Variants in PEX14 observed in about 807,000 individuals in gnomAD.
The protein encoded by PEX14 is peroxisomal biogenesis factor 14.
In PEX14, 15 loss-of-function variants were observed where a neutral mutation model predicts 49.5. The observed-to-expected ratio is 0.30, with a 90% confidence interval of 0.20 to 0.47. The LOEUF is 0.47. Ranked by LOEUF, PEX14 falls within the 20% of genes least tolerant of loss-of-function variation. The pLI is 1.00. For missense variants in PEX14, 398 were observed against 494.8 expected, an observed-to-expected ratio of 0.80 and a Z score of 1.86; for synonymous variants, 210 against 212.7, an observed-to-expected ratio of 0.99 and a Z score of 0.11.
At chr1:10,547,970 C>G (rs931912455) in intron 3 of PEX14, among the ~76,000 whole-genome samples, 1 of 152,098 alleles carries the variant, frequency 6.6e-6, no homozygotes, top group African/African-American at 2.4e-5. Flanking sequence ...AATCCCAGCA[C>G]TTTGGGAGGC....
At chr1:10,587,181 G>A (rs1281377450) in intron 3 of PEX14, among the ~76,000 whole-genome samples, 1 of 152,186 alleles carries the variant, frequency 6.6e-6, no homozygotes, top group Non-Finnish European at 1.5e-5. Context: ...ATGAGGCTGT[G>A]TGTGGTGGCT....
At chr1:10,560,767 G>A (rs960627601) in intron 3 of PEX14, among the ~76,000 whole-genome samples, 11 of 148,256 alleles carry the variant, frequency 7.4e-5, no homozygotes, top group Middle Eastern at 3.4e-3. Context: ...GCCCAGGTTG[G>A]AGTGCAGTGG....
chr1:10,603,168 G>A (rs762200060), intron 4 of PEX14, among the ~76,000 whole-genome samples: 38 of 152,226 alleles, frequency 2.5e-4, no homozygotes, highest in Non-Finnish European at 4.3e-4. Context: ...CAGAGAGAAC[G>A]TAGAGACCTG....
intron 2 of PEX14, among the ~76,000 whole-genome samples, chr1:10,515,728 C>T (rs1393549975): frequency 6.6e-6 from 1 of 152,102 alleles, no homozygotes. Flanking sequence ...AATCCTTCAC[C>T]CGGCTCTGGC....
At chr1:10,475,330 C>T (rs1299417883) in intron 1 of PEX14, among the ~76,000 whole-genome samples, 2 of 152,136 alleles carry the variant, frequency 1.3e-5, no homozygotes, top group African/African-American at 2.4e-5. Context: ...CCTTGAGCTG[C>T]GAGGGCTTGA....
At chr1:10,591,288 G>T (rs1030598285) in intron 3 of PEX14, among the ~76,000 whole-genome samples, 1 of 151,920 alleles carries the variant, frequency 6.6e-6, no homozygotes, top group Non-Finnish European at 1.5e-5. Flanking sequence ...TGCTGTGGTC[G>T]CAGCCACAGT....
chr1:10,506,155 C>T (rs1274915401), intron 2 of PEX14, among the ~76,000 whole-genome samples: 2 of 152,214 alleles, frequency 1.3e-5, no homozygotes, highest in East Asian at 3.8e-4. Context: ...GCCAGTCTCT[C>T]CCACACTCAT....
At chr1:10,564,885 G>A (rs1157701191) in intron 3 of PEX14, among the ~76,000 whole-genome samples, 1 of 148,552 alleles carries the variant, frequency 6.7e-6, no homozygotes, top group Admixed American at 6.9e-5. Context: ...TCCCCCACTT[G>A]GTCCTATTTT....
intron 2 of PEX14, among the ~76,000 whole-genome samples, chr1:10,508,944 T>C (rs1387118662): frequency 1.3e-5 from 1 of 78,226 alleles, no homozygotes; most frequent in Non-Finnish European, 3.2e-5. Flanking sequence ...GCATGCCTCC[T>C]TTTTTTTTTT....
chr1:10,479,529 A>G (rs934950526), intron 1 of PEX14, among the ~76,000 whole-genome samples: 1 of 152,332 alleles, frequency 6.6e-6, no homozygotes, highest in Middle Eastern at 3.4e-3. Context: ...CTATTTCCCA[A>G]CTTTCCTACT....
intron 3 of PEX14, among the ~76,000 whole-genome samples, chr1:10,545,452 G>T (rs540484267): frequency 6.6e-6 from 1 of 152,318 alleles, no homozygotes; most frequent in African/African-American, 2.4e-5. Context: ...CACCAGTCAT[G>T]TATGAGTGTA....
At chr1:10,491,441 C>G (rs1278534203) in intron 1 of PEX14, among the ~76,000 whole-genome samples, 1 of 152,056 alleles carries the variant, frequency 6.6e-6, no homozygotes, top group Admixed American at 6.6e-5. Context: ...AATACAATGG[C>G]ACCATCATAG....
intron 2 of PEX14, among the ~76,000 whole-genome samples, chr1:10,510,784 G>T (rs1203420504): frequency 6.6e-6 from 1 of 152,162 alleles, no homozygotes; most frequent in Non-Finnish European, 1.5e-5. Context: ...CACAGTTGCT[G>T]CCTGGCGTCC....
chr1:10,534,909 A>G (rs374824007), intron 2 of PEX14, among the ~76,000 whole-genome samples: 197 of 152,282 alleles, frequency 1.3e-3, no homozygotes, highest in African/African-American at 4.5e-3. Flanking sequence ...TTGTTCCCCA[A>G]AAGTCTGTCT....
chr1:10,513,828 G>A (rs1012377650), intron 2 of PEX14, among the ~76,000 whole-genome samples: 2 of 152,192 alleles, frequency 1.3e-5, no homozygotes, highest in African/African-American at 2.4e-5. Flanking sequence ...GAAAGGGGCC[G>A]TATTGCCGGG....
chr1:10,567,802 C>G (rs1422311652), intron 3 of PEX14, among the ~76,000 whole-genome samples: 1 of 151,952 alleles, frequency 6.6e-6, no homozygotes, highest in Non-Finnish European at 1.5e-5. Context: ...GCCTAATTTT[C>G]TTATTTTTTG....
At chr1:10,524,495 G>C in intron 2 of PEX14, 3 of 810,700 alleles carry the variant, frequency 3.7e-6, no homozygotes, top group Non-Finnish European at 4.5e-6. Context: ...TGAGAATTGT[G>C]TAAATTTTGT....
chr1:10,540,395 G>A (rs1235273877), intron 3 of PEX14, among the ~76,000 whole-genome samples: 1 of 152,082 alleles, frequency 6.6e-6, no homozygotes, highest in Non-Finnish European at 1.5e-5. Flanking sequence ...TACCATGAAA[G>A]CTTTTTTAGC....
At chr1:10,579,808 G>A (rs1428758701) in intron 3 of PEX14, among the ~76,000 whole-genome samples, 1 of 152,084 alleles carries the variant, frequency 6.6e-6, no homozygotes, top group African/African-American at 2.4e-5. Context: ...GTTTTGGCCA[G>A]CTCCTTTACT....
Sources: gnomAD v4.1 joint callset for allele counts (sites outside exome capture counted in the v4.1 genomes callset) on GRCh38, gnomAD v4.1.1 for gene constraint, MANE v1.5 for transcripts, NCBI Gene and HGNC (gene_info 2026-07-23, HGNC 2026-07-21) for gene names.